Variants in PDE4B observed in about 807,000 individuals in gnomAD.
PDE4B encodes 3',5'-cyclic-AMP phosphodiesterase 4B.
Under a neutral mutation model 82.2 loss-of-function variants are expected in PDE4B, and 20 were observed. The observed-to-expected ratio is 0.24, with a 90% CI of 0.17 to 0.35. The LOEUF (loss-of-function observed/expected upper bound fraction) is 0.35, where lower values mean the gene tolerates loss of function less well. Ranked by LOEUF, PDE4B falls within the 10% of genes least tolerant of loss-of-function variation. The pLI is 1.00. For synonymous variants in PDE4B, 320 were observed against 318.9 expected (o/e 1.00, Z -0.04); for missense variants, 655 against 907.2 (o/e 0.72, Z 3.57).
chr1:65,992,833 T>A, intron 3 of PDE4B: 1 of 1,546,136 alleles, frequency 6.5e-7, no homozygotes. Context: ...ATCAGTCTTC[T>A]GACCTGCAGC....
chr1:66,177,594 G>A (rs1646958415), intron 3 of PDE4B, among the ~76,000 whole-genome samples: 1 of 152,304 alleles, frequency 6.6e-6, no homozygotes. Context: ...CAGCAGCAAA[G>A]TTTCAAAGCC....
At chr1:65,963,322 C>G (rs987329377) in intron 3 of PDE4B, among the ~76,000 whole-genome samples, 21 of 152,174 alleles carry the variant, frequency 1.4e-4, no homozygotes, top group African/African-American at 5.1e-4. Flanking sequence ...CCCTCCAGCT[C>G]CTTGAAGAGA....
intron 1 of PDE4B, among the ~76,000 whole-genome samples, chr1:65,883,495 T>C (rs1329893632): frequency 1.3e-5 from 2 of 152,144 alleles, no homozygotes; most frequent in Non-Finnish European, 2.9e-5. Context: ...GTGATTTTTG[T>C]ACATTGATTT....
chr1:66,359,770 A>G (rs1301936765), intron 9 of PDE4B, among the ~76,000 whole-genome samples: 1 of 152,198 alleles, frequency 6.6e-6, no homozygotes, highest in African/African-American at 2.4e-5. Flanking sequence ...AAAAAGTAGT[A>G]GTTATTAGGA....
chr1:66,105,018 C>A (rs1645314966), intron 3 of PDE4B, among the ~76,000 whole-genome samples: 1 of 151,994 alleles, frequency 6.6e-6, no homozygotes. Flanking sequence ...CTTGCCCATG[C>A]CTGTGTTCTG....
At chr1:66,214,922 A>G (rs1225339167) in intron 3 of PDE4B, among the ~76,000 whole-genome samples, 1 of 152,212 alleles carries the variant, frequency 6.6e-6, no homozygotes, top group Non-Finnish European at 1.5e-5. Flanking sequence ...GTAAATAGCA[A>G]TGAGAGAGTC....
intron 8 of PDE4B, among the ~76,000 whole-genome samples, chr1:66,336,332 G>A (rs1376998148): frequency 1.3e-5 from 2 of 152,148 alleles, no homozygotes; most frequent in African/African-American, 4.8e-5. Flanking sequence ...TGACTGGCGG[G>A]GAATGGGGAG....
At chr1:66,316,853 A>T (rs990067338) in intron 7 of PDE4B, among the ~76,000 whole-genome samples, 23 of 152,154 alleles carry the variant, frequency 1.5e-4, no homozygotes, top group Non-Finnish European at 2.9e-5. Flanking sequence ...GAAATACAAA[A>T]TTTTGTTTTT....
intron 1 of PDE4B, among the ~76,000 whole-genome samples, chr1:65,843,247 A>C (rs1367775859): frequency 6.6e-6 from 1 of 152,156 alleles, no homozygotes; most frequent in Non-Finnish European, 1.5e-5. Flanking sequence ...CCCAGCTTCC[A>C]ACACACGAGA....
chr1:65,805,095 G>A (rs1168418723), intron 1 of PDE4B, among the ~76,000 whole-genome samples: 2 of 151,802 alleles, frequency 1.3e-5, no homozygotes, highest in African/African-American at 4.8e-5. Context: ...CTCCCGAGTA[G>A]CTGGGATTAC....
At chr1:65,829,613 A>T (rs1302455978) in intron 1 of PDE4B, among the ~76,000 whole-genome samples, 1 of 152,216 alleles carries the variant, frequency 6.6e-6, no homozygotes, top group South Asian at 2.1e-4. Flanking sequence ...CTTGGATAAG[A>T]ATAAAGCTAA....
At chr1:66,090,599 T>C (rs1644992192) in intron 3 of PDE4B, among the ~76,000 whole-genome samples, 1 of 71,976 alleles carries the variant, frequency 1.4e-5, no homozygotes, top group African/African-American at 7.0e-5. Context: ...GACAAAATTA[T>C]ATATATATAT....
intron 1 of PDE4B, among the ~76,000 whole-genome samples, chr1:65,904,053 G>T (rs1055733948): frequency 3.9e-5 from 6 of 152,158 alleles, no homozygotes; most frequent in Non-Finnish European, 1.5e-5. Flanking sequence ...GTGCTTGCTT[G>T]CTTAAAACAA....
Position 65,913,270 on chromosome 1 carries a change from A to G in PDE4B, c.-45A>G. The G allele has an allele frequency of 1.3e-6, 2 of 1,575,714 alleles. No individual in the cohort carries two copies. Among genetic ancestry groups the G allele is most frequent in the Non-Finnish European group, 1.7e-6 (2 of 1,145,498 alleles). On this transcript the variant is annotated 5_prime_UTR_variant, in exon 2 of 17. Coordinates refer to ENST00000341517, the MANE Select transcript of PDE4B (RefSeq NM_002600.4). Reference sequence around the variant, plus strand: ...GTATTAAAAAGTGTCAGCAAACTGCATTGAATAACAGACATCCTAAGAGGG... The same window carrying G: ...GTATTAAAAAGTGTCAGCAAACTGCGTTGAATAACAGACATCCTAAGAGGG...
chr1:65,973,493 A>G (rs768781824), intron 3 of PDE4B, among the ~76,000 whole-genome samples: 1 of 152,182 alleles, frequency 6.6e-6, no homozygotes, highest in Non-Finnish European at 1.5e-5. Flanking sequence ...ATGGGAGATG[A>G]AAGTACATAT....
intron 3 of PDE4B, among the ~76,000 whole-genome samples, chr1:66,077,106 G>A (rs569436862): frequency 6.6e-6 from 1 of 152,024 alleles, no homozygotes; most frequent in African/African-American, 2.4e-5. Flanking sequence ...ATCAAGAAGG[G>A]TATTTCCTAG....
chr1:66,164,535 C>CAAAA lies in PDE4B; in HGVS notation c.282-82901_282-82898dup, dbSNP rs10718019. Among the ~76,000 whole-genome samples, 292 of 48,546 alleles carry CAAAA rather than the reference C, an allele frequency of 6.0e-3. 5 individuals are homozygous for CAAAA. The highest frequency in any genetic ancestry group is 7.2e-3 in the Admixed American group (20 of 2,796). 31.8% of individuals were successfully genotyped at this position (48,546 alleles called of 152,430 possible). On this transcript the variant is annotated intron_variant, in intron 3 of 16. Coordinates refer to ENST00000341517, the MANE Select transcript of PDE4B (RefSeq NM_002600.4). ...TGGACAACAGAGAGAGACTCCGTCT[C>CAAAA]AAAAAAAAAAAAAAAAAAAAAAAAA...
intron 1 of PDE4B, among the ~76,000 whole-genome samples, chr1:65,797,165 A>G (rs948443977): frequency 6.6e-6 from 1 of 151,936 alleles, no homozygotes; most frequent in African/African-American, 2.4e-5. Flanking sequence ...CATGTTAGCC[A>G]GGATGGTCTC....
At chr1:66,069,394 T>G (rs1370528468) in intron 3 of PDE4B, among the ~76,000 whole-genome samples, 10 of 152,024 alleles carry the variant, frequency 6.6e-5, no homozygotes, top group Admixed American at 6.6e-4. Flanking sequence ...TCAAAGCAAA[T>G]CTCAAATTGT....
Sources: allele counts gnomAD v4.1 joint callset (sites outside exome capture counted in the v4.1 genomes callset), GRCh38; gene constraint gnomAD v4.1.1; transcripts MANE v1.5; gene names NCBI Gene and HGNC (gene_info 2026-07-23, HGNC 2026-07-21).